Variants in ZMYM1 observed in about 807,000 individuals in gnomAD.
The protein encoded by ZMYM1 is zinc finger MYM-type containing 1.
ZMYM1 carries 39 observed loss-of-function variants against 60.0 expected under a neutral mutation model. That is an observed-to-expected ratio of 0.65 (90% CI 0.50 to 0.85). ZMYM1 has a LOEUF of 0.85. Among genes scored for constraint, ZMYM1 ranks in the 40% least tolerant of loss-of-function variants. The probability of loss-of-function intolerance (pLI) is 0.00; values close to 1 mark genes in which losing one functional copy is unlikely to be tolerated. For synonymous variants in ZMYM1, 413 were observed against 454.0 expected, an observed-to-expected ratio of 0.91 and a Z score of 1.15; for missense variants, 1,171 against 1,309.5, an observed-to-expected ratio of 0.89 and a Z score of 1.63.
chr1:35,072,685 C>A lies in ZMYM1; in HGVS notation c.-300-6309C>A, dbSNP rs137983496. Among the ~76,000 whole-genome samples, 229 of 151,838 alleles carry A rather than the reference C, an allele frequency of 1.5e-3. 2 individuals are homozygous for A. In the East Asian group the frequency reaches 0.037, roughly 25 times the overall value. On this transcript the variant is annotated intron_variant, in intron 1 of 10. Coordinates refer to the ZMYM1 transcript ENST00000417119. ...CTTCTTGGCCAGGCGTGGTGGCTCACACCTGTAATCCCAGCTCTTTGGGAG... is the reference window on the plus strand; with the variant it reads ...CTTCTTGGCCAGGCGTGGTGGCTCAAACCTGTAATCCCAGCTCTTTGGGAG...
chr1:35,101,397 G>A (rs1643650406), intron 4 of ZMYM1, among the ~76,000 whole-genome samples: 1 of 149,760 alleles, frequency 6.7e-6, no homozygotes, highest in Non-Finnish European at 1.5e-5. Context: ...CACCGTGCCT[G>A]GCCAACATTC....
chr1:35,079,871 G>C (rs1335599157), intron 1 of ZMYM1, among the ~76,000 whole-genome samples: 2 of 152,186 alleles, frequency 1.3e-5, no homozygotes. Context: ...CGACACTTTG[G>C]GAGGCCCAGG....
intron 1 of ZMYM1, among the ~76,000 whole-genome samples, chr1:35,083,133 G>C (rs1484079325): frequency 6.6e-6 from 1 of 151,610 alleles, no homozygotes; most frequent in Non-Finnish European, 1.5e-5. Flanking sequence ...TATTACATTG[G>C]CTTCTGGGGT....
chr1:35,082,413 C>G (rs1642433905), intron 1 of ZMYM1, among the ~76,000 whole-genome samples: 1 of 151,804 alleles, frequency 6.6e-6, no homozygotes, highest in Admixed American at 6.6e-5. Context: ...TCACTGCAAC[C>G]TCCACCTCCT....
intron 1 of ZMYM1, among the ~76,000 whole-genome samples, chr1:35,087,786 A>C (rs1557649734): frequency 1.3e-5 from 2 of 151,558 alleles, no homozygotes; most frequent in Non-Finnish European, 2.9e-5. Flanking sequence ...ATATGGGCCG[A>C]GGGCAGTGGC....
intron 1 of ZMYM1, among the ~76,000 whole-genome samples, chr1:35,092,721 G>A (rs2971407): frequency 0.88 from 134,314 of 151,948 alleles, 59,596 homozygotes; most frequent in Non-Finnish European, 0.93. Context: ...TCTGCCTCCC[G>A]GGTTCAAGCT....
chr1:35,074,568 C>T (rs566357319), upstream of ZMYM1, among the ~76,000 whole-genome samples: 23 of 152,062 alleles, frequency 1.5e-4, no homozygotes, highest in African/African-American at 5.3e-4. Flanking sequence ...GCCACCATGT[C>T]CAGCTAATTT....
At chr1:35,102,510 A>G (rs1643714365) in intron 4 of ZMYM1, among the ~76,000 whole-genome samples, 2 of 152,232 alleles carry the variant, frequency 1.3e-5, no homozygotes, top group Non-Finnish European at 2.9e-5. Flanking sequence ...GTATCGATCA[A>G]GTTGAAGTTG....
chr1:35,097,286 AT>A (rs534455091), intron 3 of ZMYM1, 30 bp from the exon 4 acceptor site: 37 of 1,538,254 alleles, frequency 2.4e-5, no homozygotes, highest in African/African-American at 5.6e-5. Flanking sequence ...GTAAATAACA[AT>A]TTTTTTTTCT....
intron 1 of ZMYM1, among the ~76,000 whole-genome samples, chr1:35,068,512 G>A (rs1182805174): frequency 1.3e-5 from 2 of 151,294 alleles, no homozygotes; most frequent in African/African-American, 4.8e-5. Flanking sequence ...GTAACAGAGG[G>A]TAGACAGTCA....
chr1:35,095,477 T>A (rs1249575616), intron 2 of ZMYM1, among the ~76,000 whole-genome samples: 1 of 136,826 alleles, frequency 7.3e-6, no homozygotes, highest in African/African-American at 2.8e-5. Context: ...GGTGACAGAG[T>A]GAGATCTTGT....
In ZMYM1 at chr1:35,110,421, G is replaced by A. The variant is rs1206797525; in HGVS notation, c.935G>A (p.Ser312Asn). 2 of 1,544,532 alleles carry A rather than the reference G, an allele frequency of 1.3e-6. No individual in the cohort carries two copies. Among genetic ancestry groups the A allele is most frequent in the Admixed American group, 2.0e-5 (1 of 49,966 alleles). ...TCTATTAATTGTTTCTCTGCATACA[G>A]TAAAGCTAAGATGGAATCTTCTTCA... ...FCSINCFSAYSKAKMESSSVS... is the reference protein window; with the variant it reads ...FCSINCFSAYNKAKMESSSVS... Residue 312 changes from serine (S) to asparagine (N), a missense_variant, in exon 7 of 10, where the codon AGT becomes AAT. Transcript: ENST00000359858.
intron 1 of ZMYM1, among the ~76,000 whole-genome samples, chr1:35,082,716 A>G (rs61777987): frequency 0.87 from 131,895 of 151,108 alleles, 57,830 homozygotes; most frequent in Non-Finnish European, 0.93. Flanking sequence ...GTGGTGGCTC[A>G]CCCCTGTAAT....
Position 35,089,937 on chromosome 1 carries a change from C to G in ZMYM1, c.-74-3977C>G, listed in dbSNP as rs1474871795. ...TTTTTTTTTTTGAGACAGAGTCTCGCTCTGTCGCCCAGGCTGGAGTGTAGT... is the reference window on the plus strand; with the variant it reads ...TTTTTTTTTTTGAGACAGAGTCTCGGTCTGTCGCCCAGGCTGGAGTGTAGT... On this transcript the variant is annotated intron_variant, in intron 1 of 9. Transcript: ENST00000359858. Among the ~76,000 whole-genome samples the G allele has an allele frequency of 2.1e-5, 3 of 145,820 alleles. No homozygotes were observed. In the East Asian group the frequency reaches 6.0e-4, roughly 29 times the overall value.
chr1:35,099,894 T>C (rs760315709), intron 4 of ZMYM1, among the ~76,000 whole-genome samples: 5 of 152,052 alleles, frequency 3.3e-5, no homozygotes, highest in Non-Finnish European at 5.9e-5. Flanking sequence ...TGTTTTGTTT[T>C]GTTTTGTCTG....
At chr1:35,091,779 C>T (rs1240435095) in intron 1 of ZMYM1, among the ~76,000 whole-genome samples, 1 of 151,188 alleles carries the variant, frequency 6.6e-6, no homozygotes, top group Non-Finnish European at 1.5e-5. Flanking sequence ...GCCTGTGGTC[C>T]CAGCTACGTG....
chr1:35,081,651 GTTA>G (rs1304083472), intron 1 of ZMYM1, among the ~76,000 whole-genome samples: 1 of 152,038 alleles, frequency 6.6e-6, no homozygotes, highest in Non-Finnish European at 1.5e-5. Flanking sequence ...GCAGAAAATG[GTTA>G]TTTTTATATT....
At chr1:35,083,053 C>G (rs1642472818) in intron 1 of ZMYM1, among the ~76,000 whole-genome samples, 2 of 152,092 alleles carry the variant, frequency 1.3e-5, no homozygotes, top group African/African-American at 4.8e-5. Flanking sequence ...CTTTATTTTG[C>G]TCTTAATCTT....
intron 1 of ZMYM1, among the ~76,000 whole-genome samples, chr1:35,073,566 GAAAGAAAA>G (rs150094640): frequency 0.073 from 10,129 of 137,862 alleles, 655 homozygotes; most frequent in East Asian, 0.38. Context: ...AGAAAGAAAG[GAAAGAAAA>G]AAAGAAAAGA....
Sources: allele counts gnomAD v4.1 joint callset (sites outside exome capture counted in the v4.1 genomes callset), GRCh38; gene constraint gnomAD v4.1.1; transcripts MANE v1.5; gene names NCBI Gene and HGNC (gene_info 2026-07-23, HGNC 2026-07-21).